Variants in FGGY observed in about 807,000 individuals in gnomAD.
FGGY encodes FGGY carbohydrate kinase domain containing, also known as FGGY carbohydrate kinase domain-containing protein.
FGGY carries 72 observed loss-of-function variants against 71.3 expected under a neutral mutation model. That is an observed-to-expected ratio of 1.01 (90% CI 0.84 to 1.23). The LOEUF is 1.23. Ranked by LOEUF, FGGY falls within the 50% of genes most tolerant of loss-of-function variation. FGGY has a pLI of 0.00. For synonymous variants in FGGY, 251 were observed against 250.3 expected, an observed-to-expected ratio of 1.00 and a Z score of -0.02; for missense variants, 668 against 682.3, an observed-to-expected ratio of 0.98 and a Z score of 0.23.
intron 12 of FGGY, among the ~76,000 whole-genome samples, chr1:59,664,267 C>T (rs2097303603): frequency 6.6e-6 from 1 of 152,140 alleles, no homozygotes; most frequent in Non-Finnish European, 1.5e-5. Context: ...ACACAAAGCC[C>T]TTTGGTGGGG....
chr1:59,375,265 G>GAAA (rs1289366742), intron 4 of FGGY, among the ~76,000 whole-genome samples: 1 of 99,830 alleles, frequency 1.0e-5, no homozygotes, highest in Non-Finnish European at 2.1e-5. Context: ...TCTCAAAAAA[G>GAAA]AAAAAAAAAA....
chr1:59,592,926 C>T (rs527819922), intron 8 of FGGY, among the ~76,000 whole-genome samples: 1 of 151,900 alleles, frequency 6.6e-6, no homozygotes, highest in South Asian at 2.1e-4. Context: ...CCTAGAACTT[C>T]AACTATAGTA....
chr1:59,302,586 G>C (rs1454979323), intron 1 of FGGY, among the ~76,000 whole-genome samples: 1 of 152,072 alleles, frequency 6.6e-6, no homozygotes, highest in Non-Finnish European at 1.5e-5. Flanking sequence ...AATACTGCAT[G>C]TTCTCACTTA....
chr1:59,409,598 T>TTATATA lies in FGGY; in HGVS notation c.554+30782_554+30787dup, dbSNP rs202016801. Among the ~76,000 whole-genome samples the TTATATA allele has an allele frequency of 3.9e-3, 415 of 105,762 alleles. 3 individuals carry two copies. Among genetic ancestry groups the TTATATA allele is most frequent in the East Asian group, 6.7e-3 (17 of 2,544 alleles). The allele number at this position is 105,762 out of a possible 152,430, so 69.4% of individuals were successfully genotyped here. ...TGCAAGCCTGTGAAGGAAGAGTTTT[T>TTATATA]TATATATATATATATATATATATAT... is the stretch of plus-strand genomic sequence containing the variant. On this transcript the variant is annotated intron_variant, in intron 5 of 15. Coordinates refer to ENST00000303721, the MANE Select transcript of FGGY (RefSeq NM_018291.5).
rs1424181433 is a variant in FGGY, at chr1:59,451,803, G to A, written c.555-5158G>A. On this transcript the variant is annotated intron_variant, in intron 5 of 15. Coordinates refer to ENST00000303721, the MANE Select transcript of FGGY (RefSeq NM_018291.5). ...TATAGGATTCTTTAATCAGTTTCTC[G>A]TAATAGTTTGTACATTATTCTAGTG... Among the ~76,000 whole-genome samples, 2 of 152,028 alleles carry A rather than the reference G, an allele frequency of 1.3e-5. 1 individual carries two copies. Among genetic ancestry groups the A allele is most frequent in the East Asian group, 3.8e-4 (2 of 5,198 alleles).
chr1:59,575,730 T>A (rs958545627), intron 8 of FGGY, among the ~76,000 whole-genome samples: 3 of 152,230 alleles, frequency 2.0e-5, no homozygotes, highest in African/African-American at 7.2e-5. Flanking sequence ...AAAGTTAATC[T>A]TCTACCCACT....
intron 6 of FGGY, among the ~76,000 whole-genome samples, chr1:59,467,266 C>T (rs1324370929): frequency 1.3e-5 from 2 of 152,004 alleles, no homozygotes; most frequent in Admixed American, 6.5e-5. Flanking sequence ...AAACCAAACA[C>T]GGCATGTTCT....
At chr1:59,401,634 G>C (rs901264571) in intron 5 of FGGY, among the ~76,000 whole-genome samples, 1 of 152,330 alleles carries the variant, frequency 6.6e-6, no homozygotes, top group African/African-American at 2.4e-5. Context: ...TGGTTAATAA[G>C]TCCTTGCCAG....
At chr1:59,715,765 A>G (rs925993724) in intron 14 of FGGY, among the ~76,000 whole-genome samples, 54 of 152,376 alleles carry the variant, frequency 3.5e-4, no homozygotes, top group African/African-American at 1.3e-3. Flanking sequence ...CTAAGAGCAC[A>G]GTCTATGTTA....
At chr1:59,305,304 A>G (rs893206102) in intron 1 of FGGY, among the ~76,000 whole-genome samples, 4 of 152,160 alleles carry the variant, frequency 2.6e-5, no homozygotes, top group Admixed American at 2.6e-4. Context: ...TGCAGAATCT[A>G]TTGAGATGAT....
chr1:59,589,626 C>A (rs1165693537), intron 8 of FGGY, among the ~76,000 whole-genome samples: 6 of 152,072 alleles, frequency 3.9e-5, no homozygotes, highest in Non-Finnish European at 5.9e-5. Context: ...ACTCAGGATT[C>A]AGAAACTCAC....
At chr1:59,596,479 A>T (rs1599808) in intron 8 of FGGY, among the ~76,000 whole-genome samples, 23,619 of 149,020 alleles carry the variant, frequency 0.16, 2,260 homozygotes, top group South Asian at 0.35. Flanking sequence ...AAAAAAAGTG[A>T]CTTAGGAAGG....
chr1:59,375,117 G>A (rs1218790986), intron 4 of FGGY, among the ~76,000 whole-genome samples: 2 of 151,044 alleles, frequency 1.3e-5, no homozygotes, highest in African/African-American at 4.9e-5. Context: ...AAAAATGGCA[G>A]GGTGTGGTGG....
chr1:59,397,036 C>CT (rs59388353), intron 5 of FGGY, among the ~76,000 whole-genome samples: 37,117 of 142,664 alleles, frequency 0.26, 4,868 homozygotes, highest in South Asian at 0.41. Context: ...CTTGAGTCTG[C>CT]TTTTTTTTTT....
intron 7 of FGGY, among the ~76,000 whole-genome samples, chr1:59,536,567 G>A (rs1025194693): frequency 3.3e-5 from 5 of 152,164 alleles, no homozygotes; most frequent in Non-Finnish European, 5.9e-5. Context: ...GAACACTGAT[G>A]CAAAAATCCT....
At chr1:59,489,656 G>T (rs1255390447) in intron 6 of FGGY, among the ~76,000 whole-genome samples, 1 of 151,974 alleles carries the variant, frequency 6.6e-6, no homozygotes, top group African/African-American at 2.4e-5. Context: ...CTTGGCTATT[G>T]TGAACAGTGC....
intron 5 of FGGY, among the ~76,000 whole-genome samples, chr1:59,382,713 C>G (rs188833052): frequency 6.6e-6 from 1 of 152,284 alleles, no homozygotes; most frequent in East Asian, 1.9e-4. Flanking sequence ...GTTTGTTAGT[C>G]AAGCAGTGCT....
At chr1:59,348,556 G>A (rs835361) in intron 4 of FGGY, among the ~76,000 whole-genome samples, 64,831 of 151,954 alleles carry the variant, frequency 0.43, 14,684 homozygotes, top group African/African-American at 0.58. Context: ...GTCTGGAGAA[G>A]TAGAGAATCC....
chr1:59,595,647 G>A (rs1055838184), intron 8 of FGGY, among the ~76,000 whole-genome samples: 1 of 151,980 alleles, frequency 6.6e-6, no homozygotes, highest in African/African-American at 2.4e-5. Context: ...CCGAGATCGC[G>A]CCATTGCACT....
Sources: allele counts gnomAD v4.1 joint callset (sites outside exome capture counted in the v4.1 genomes callset), GRCh38; gene constraint gnomAD v4.1.1; transcripts MANE v1.5; gene names NCBI Gene and HGNC (gene_info 2026-07-23, HGNC 2026-07-21).